The following DLG2 variants were observed in gnomAD, a reference collection of about 807,000 sequenced individuals.
DLG2 encodes disks large homolog 2.
Under a neutral mutation model 132.5 loss-of-function variants are expected in DLG2, and 45 were observed. That is an observed-to-expected ratio of 0.34 (90% confidence interval 0.27 to 0.44). The LOEUF is 0.44. Among genes scored for constraint, DLG2 ranks in the 20% least tolerant of loss-of-function variants. The probability of loss-of-function intolerance (pLI) is 1.00; values close to 1 mark genes in which losing one functional copy is unlikely to be tolerated. For synonymous variants in DLG2, 424 were observed against 419.6 expected (o/e 1.01, Z -0.13); for missense variants, 1,045 against 1,196.9 (o/e 0.87, Z 1.87).
chr11:83,815,694 G>A (rs995172930), intron 17 of DLG2, among the ~76,000 whole-genome samples: 1 of 152,160 alleles, frequency 6.6e-6, no homozygotes, highest in Non-Finnish European at 1.5e-5. Context: ...GAAAGAACCT[G>A]TTTGAATGTT....
chr11:84,343,104 G>C (rs548132336), intron 7 of DLG2, among the ~76,000 whole-genome samples: 1 of 152,176 alleles, frequency 6.6e-6, no homozygotes, highest in African/African-American at 2.4e-5. Context: ...GGGAACATGG[G>C]TACAGAGGAA....
chr11:84,748,939 G>C (rs1032921036), intron 6 of DLG2, among the ~76,000 whole-genome samples: 1 of 152,156 alleles, frequency 6.6e-6, no homozygotes, highest in African/African-American at 2.4e-5. Context: ...GAAGGCCAAG[G>C]AGAGAGAACT....
intron 14 of DLG2, among the ~76,000 whole-genome samples, chr11:83,931,185 T>C (rs951915322): frequency 6.6e-6 from 1 of 152,258 alleles, no homozygotes; most frequent in Non-Finnish European, 1.5e-5. Flanking sequence ...TAATATCTTC[T>C]GTATACATAG....
At chr11:85,368,080 T>G (rs1393210356) in intron 3 of DLG2, among the ~76,000 whole-genome samples, 1 of 152,232 alleles carries the variant, frequency 6.6e-6, no homozygotes, top group Non-Finnish European at 1.5e-5. Flanking sequence ...TACCTATCTT[T>G]GAAAGTTTAC....
chr11:85,572,596 A>G (rs2077907623), intron 3 of DLG2, among the ~76,000 whole-genome samples: 1 of 152,154 alleles, frequency 6.6e-6, no homozygotes, highest in Admixed American at 6.6e-5. Context: ...TTTGCATACC[A>G]AGAAGTTGTA....
chr11:84,635,007 G>T (rs187144112), intron 6 of DLG2, among the ~76,000 whole-genome samples: 1 of 152,180 alleles, frequency 6.6e-6, no homozygotes, highest in Admixed American at 6.5e-5. Flanking sequence ...AATTCAATCC[G>T]CTGGAGGAGA....
rs958113036 is a variant in DLG2 at position 84,525,381 on chromosome 11, A to G, written c.519+9189T>C. On this transcript the variant is annotated intron_variant, in intron 7 of 27. Transcript: ENST00000376104. ...CATTCTTGGTTTCATTTCATGATAC[A>G]TCCTCTACTCTGGGGTCAAATTTTA... Among the ~76,000 whole-genome samples, 8 of 152,168 alleles carry G rather than the reference A, an allele frequency of 5.3e-5. No homozygotes were observed. The South Asian group carries it at 1.2e-3, about 24-fold the overall frequency.
intron 6 of DLG2, among the ~76,000 whole-genome samples, chr11:84,673,233 G>A (rs999928599): frequency 2.0e-5 from 3 of 152,076 alleles, no homozygotes; most frequent in African/African-American, 7.2e-5. Flanking sequence ...CAATCATGGA[G>A]CTGCCTTCCT....
At chr11:84,084,942 T>A (rs1034202826) in intron 10 of DLG2, among the ~76,000 whole-genome samples, 1 of 152,182 alleles carries the variant, frequency 6.6e-6, no homozygotes, top group Non-Finnish European at 1.5e-5. Flanking sequence ...TCATATTGTA[T>A]CTGAAATTGA....
At chr11:85,523,642 T>C (rs957816168) in intron 3 of DLG2, among the ~76,000 whole-genome samples, 6 of 152,124 alleles carry the variant, frequency 3.9e-5, no homozygotes, top group African/African-American at 1.4e-4. Flanking sequence ...GAATGTAAAT[T>C]AGTAGAATCA....
At chr11:85,309,554 T>C (rs2080183594) in intron 3 of DLG2, among the ~76,000 whole-genome samples, 1 of 152,020 alleles carries the variant, frequency 6.6e-6, no homozygotes, top group African/African-American at 2.4e-5. Flanking sequence ...AGATTCCCAA[T>C]AGGCATTTAA....
At chr11:83,889,286 A>G (rs1039347010) in intron 15 of DLG2, among the ~76,000 whole-genome samples, 4 of 152,086 alleles carry the variant, frequency 2.6e-5, no homozygotes, top group African/African-American at 4.8e-5. Flanking sequence ...CCCATCAAAA[A>G]GTGGGTGAAG....
intron 3 of DLG2, among the ~76,000 whole-genome samples, chr11:85,503,008 C>T (rs765257246): frequency 1.3e-5 from 2 of 152,014 alleles, no homozygotes; most frequent in Non-Finnish European, 2.9e-5. Context: ...AACAAACTAA[C>T]ACTATTCCCT....
At chr11:84,449,485 C>T (rs1179056874) in intron 7 of DLG2, among the ~76,000 whole-genome samples, 1 of 151,574 alleles carries the variant, frequency 6.6e-6, no homozygotes, top group Non-Finnish European at 1.5e-5. Context: ...TTATATACTT[C>T]ATGGCTAACT....
At chr11:83,922,206 T>A (rs2078080954) in intron 15 of DLG2, among the ~76,000 whole-genome samples, 1 of 152,172 alleles carries the variant, frequency 6.6e-6, no homozygotes, top group African/African-American at 2.4e-5. Context: ...AGAAATTATC[T>A]ATTGAGACAA....
intron 19 of DLG2, among the ~76,000 whole-genome samples, chr11:83,575,692 A>G (rs964584376): frequency 6.6e-6 from 1 of 152,196 alleles, no homozygotes; most frequent in African/African-American, 2.4e-5. Flanking sequence ...GCTCAGAAAA[A>G]TCTTGCTTCA....
intron 3 of DLG2, among the ~76,000 whole-genome samples, chr11:85,426,264 G>A (rs993459262): frequency 1.3e-5 from 2 of 152,204 alleles, no homozygotes; most frequent in Non-Finnish European, 2.9e-5. Context: ...ATGTCTGACA[G>A]CCTTGAAGAG....
At chr11:84,126,008 TA>T (rs1305961868) in intron 9 of DLG2, among the ~76,000 whole-genome samples, 1 of 152,214 alleles carries the variant, frequency 6.6e-6, no homozygotes, top group African/African-American at 2.4e-5. Context: ...TAAAATCAGC[TA>T]TTGAAAGTTT....
At chr11:83,877,860 C>G (rs1487524454) in intron 15 of DLG2, among the ~76,000 whole-genome samples, 1 of 152,152 alleles carries the variant, frequency 6.6e-6, no homozygotes, top group Non-Finnish European at 1.5e-5. Flanking sequence ...TTGGAGCTAC[C>G]TGATGGTGAC....
Sources: gnomAD v4.1 joint callset for allele counts (sites outside exome capture counted in the v4.1 genomes callset) on GRCh38, gnomAD v4.1.1 for gene constraint, MANE v1.5 for transcripts, NCBI Gene and HGNC (gene_info 2026-07-23, HGNC 2026-07-21) for gene names.